COL21A1: variants seen among roughly 807,000 people sequenced by gnomAD.
COL21A1 encodes collagen alpha-1(XXI) chain.
Under a neutral mutation model 137.9 loss-of-function variants are expected in COL21A1, and 149 were observed. The ratio of observed to expected loss-of-function variants is 1.08; its 90% CI spans 0.95 to 1.24. The LOEUF is 1.24. Ranked by LOEUF, COL21A1 falls within the 50% of genes most tolerant of loss-of-function variation. The pLI is 0.00. For synonymous variants in COL21A1, 456 were observed against 391.5 expected, an observed-to-expected ratio of 1.16 and a Z score of -1.95; for missense variants, 1,167 against 1,158.4, an observed-to-expected ratio of 1.01 and a Z score of -0.11.
At chr6:56,153,242 TC>T (rs969238200) in intron 10 of COL21A1, among the ~76,000 whole-genome samples, 2 of 152,060 alleles carry the variant, frequency 1.3e-5, no homozygotes, top group Non-Finnish European at 2.9e-5. Context: ...TCAATTAAAT[TC>T]CCCCAAAATA....
chr6:56,205,858 G>A (rs916103817), intron 1 of COL21A1, among the ~76,000 whole-genome samples: 4 of 152,098 alleles, frequency 2.6e-5, no homozygotes, highest in South Asian at 2.1e-4. Context: ...AATTTGCAAC[G>A]CAGAATTTCA....
At chr6:56,296,544 A>T (rs1446786456) in intron 1 of COL21A1, among the ~76,000 whole-genome samples, 1 of 151,980 alleles carries the variant, frequency 6.6e-6, no homozygotes, top group Non-Finnish European at 1.5e-5. Context: ...GGTACCACCT[A>T]TAATAAACAT....
chr6:56,068,048 T>C (rs971965400), intron 22 of COL21A1, among the ~76,000 whole-genome samples: 2 of 151,724 alleles, frequency 1.3e-5, no homozygotes, highest in African/African-American at 4.8e-5. Context: ...CAACAAGTTC[T>C]GAACAAGAAA....
At chr6:56,336,113 C>G (rs1255400207) in intron 1 of COL21A1, among the ~76,000 whole-genome samples, 1 of 152,142 alleles carries the variant, frequency 6.6e-6, no homozygotes, top group Non-Finnish European at 1.5e-5. Context: ...CACTGAAGAC[C>G]CCCAGATTTC....
chr6:56,111,981 A>G (rs1340883236), intron 16 of COL21A1, among the ~76,000 whole-genome samples: 1 of 152,064 alleles, frequency 6.6e-6, no homozygotes, highest in Non-Finnish European at 1.5e-5. Flanking sequence ...AATCTATAAT[A>G]TCATTATGAT....
intron 1 of COL21A1, among the ~76,000 whole-genome samples, chr6:56,238,863 T>C (rs1391578337): frequency 6.6e-6 from 1 of 152,220 alleles, no homozygotes; most frequent in Admixed American, 6.5e-5. Context: ...TTACTTATGA[T>C]AATAACTAAT....
intron 9 of COL21A1, among the ~76,000 whole-genome samples, chr6:56,157,965 C>T (rs1775881127): frequency 6.6e-6 from 1 of 152,170 alleles, no homozygotes; most frequent in African/African-American, 2.4e-5. Flanking sequence ...GCAATGAGCT[C>T]AGTCACACTC....
intron 17 of COL21A1, among the ~76,000 whole-genome samples, chr6:56,100,083 C>T (rs1195237060): frequency 6.6e-6 from 1 of 152,234 alleles, no homozygotes; most frequent in Non-Finnish European, 1.5e-5. Flanking sequence ...CATTTTATGG[C>T]CCTAGCCAAG....
intron 17 of COL21A1, among the ~76,000 whole-genome samples, chr6:56,098,082 TATAA>T (rs1475276232): frequency 3.1e-5 from 1 of 32,088 alleles, no homozygotes; most frequent in Non-Finnish European, 4.8e-5. Context: ...TATATATAAA[TATAA>T]ATATATATAA....
chr6:56,226,937 C>T (rs1199902805), intron 1 of COL21A1, among the ~76,000 whole-genome samples: 3 of 151,704 alleles, frequency 2.0e-5, no homozygotes, highest in Non-Finnish European at 4.4e-5. Context: ...TGGGATGGCT[C>T]GTATAGGGGG....
chr6:56,256,756 T>G (rs1483034845), intron 1 of COL21A1, among the ~76,000 whole-genome samples: 13 of 152,092 alleles, frequency 8.5e-5, no homozygotes, highest in Admixed American at 2.0e-4. Flanking sequence ...TCATGGTCAC[T>G]GCTATACTCT....
chr6:56,158,827 G>A (rs1483809827), intron 9 of COL21A1, among the ~76,000 whole-genome samples: 1 of 152,118 alleles, frequency 6.6e-6, no homozygotes, highest in Non-Finnish European at 1.5e-5. Flanking sequence ...GGCTTGAGAA[G>A]AAGGGAAATG....
intron 12 of COL21A1, among the ~76,000 whole-genome samples, chr6:56,140,687 C>A (rs1243452138): frequency 1.3e-5 from 2 of 152,262 alleles, no homozygotes; most frequent in Non-Finnish European, 2.9e-5. Flanking sequence ...GGGCAAAGAA[C>A]TCTCAGAAGC....
rs147327164 is a variant in COL21A1 at position 56,104,864 on chromosome 6, AT to A, written c.1759-3340del. On this transcript the variant is annotated intron_variant, in intron 16 of 29. Coordinates refer to ENST00000244728, the MANE Select transcript of COL21A1 (RefSeq NM_030820.4). The stretch of plus-strand genomic sequence containing the variant: ...GGTCTTTGGTATTTACCCCAAAAAA[AT>A]AAAAGGATGGAAAGTAATTTAGTTT... Among the ~76,000 whole-genome samples, 1,244 of 152,346 alleles carry A rather than the reference AT, an allele frequency of 8.2e-3. 19 individuals are homozygous for A. The highest frequency in any genetic ancestry group is 0.029 in the African/African-American group (1,199 of 41,578).
chr6:56,070,640 ACTTCATGTATCT>A (rs1766661058), intron 21 of COL21A1, 93 bp downstream of exon 21: 1 of 691,566 alleles, frequency 1.4e-6, no homozygotes, highest in Admixed American at 3.8e-5. Flanking sequence ...GTAATCCTTA[ACTTCATGTATCT>A]CTTCAGAGAT....
chr6:56,094,563 G>T (rs965210453), intron 17 of COL21A1, among the ~76,000 whole-genome samples: 1 of 152,070 alleles, frequency 6.6e-6, no homozygotes, highest in Non-Finnish European at 1.5e-5. Context: ...ACATTACCCA[G>T]TTCCCAAGCC....
In COL21A1 at chr6:56,190,482, T is replaced by G. The variant is rs1459480512; in HGVS notation, c.-38-7826A>C. Reference sequence around the variant, plus strand: ...CCAACCAAAAAAGTCCAGGACCAGATGGATTTACAGCCAAATTCTGCCAGA... The same window carrying G: ...CCAACCAAAAAAGTCCAGGACCAGAGGGATTTACAGCCAAATTCTGCCAGA... On this transcript the variant is annotated intron_variant, in intron 1 of 29. Coordinates refer to ENST00000244728, the MANE Select transcript of COL21A1 (RefSeq NM_030820.4). Among the ~76,000 whole-genome samples, 3 of 152,296 alleles carry G rather than the reference T, an allele frequency of 2.0e-5. No homozygotes were observed. In the East Asian group the frequency reaches 5.8e-4, roughly 29 times the overall value.
At chr6:56,369,540 A>T (rs7770594) in intron 1 of COL21A1, among the ~76,000 whole-genome samples, 70,439 of 151,934 alleles carry the variant, frequency 0.46, 16,732 homozygotes, top group Non-Finnish European at 0.49. Context: ...TGTGACTGCA[A>T]AAGAATGTAA....
At chr6:56,226,910 T>A (rs1219483223) in intron 1 of COL21A1, among the ~76,000 whole-genome samples, 3 of 151,982 alleles carry the variant, frequency 2.0e-5, no homozygotes, top group Non-Finnish European at 4.4e-5. Flanking sequence ...TTTAAGTAGA[T>A]AAGATTCCCA....
Sources: gnomAD v4.1 joint callset for allele counts (sites outside exome capture counted in the v4.1 genomes callset) on GRCh38, gnomAD v4.1.1 for gene constraint, MANE v1.5 for transcripts, NCBI Gene and HGNC (gene_info 2026-07-23, HGNC 2026-07-21) for gene names.